Variants in TLK2 observed in about 807,000 individuals in gnomAD.
TLK2 encodes tousled like kinase 2, also known as serine/threonine-protein kinase tousled-like 2.
In TLK2, 6 loss-of-function variants were observed where a neutral mutation model predicts 117.3. The ratio of observed to expected loss-of-function variants is 0.05; its 90% confidence interval spans 0.03 to 0.10. TLK2 has a LOEUF of 0.10. Ranked by LOEUF, TLK2 falls within the 10% of genes least tolerant of loss-of-function variation. The pLI is 1.00. For missense variants in TLK2, 299 were observed against 901.2 expected (o/e 0.33, Z 8.56); for synonymous variants, 257 against 316.7 (o/e 0.81, Z 2.00).
At chr17:62,508,909 A>G (rs891065543) in intron 2 of TLK2, among the ~76,000 whole-genome samples, 3 of 152,138 alleles carry the variant, frequency 2.0e-5, no homozygotes, top group African/African-American at 7.2e-5. Context: ...TGGAGGTTGT[A>G]GTGAGCCGAG....
intron 12 of TLK2, among the ~76,000 whole-genome samples, chr17:62,575,064 A>G (rs2080669544): frequency 6.6e-6 from 1 of 152,198 alleles, no homozygotes; most frequent in Non-Finnish European, 1.5e-5. Flanking sequence ...AAAATTATTT[A>G]ATGCTAATGC....
At chr17:62,562,683 C>T (rs955759121) in intron 10 of TLK2, among the ~76,000 whole-genome samples, 1 of 152,160 alleles carries the variant, frequency 6.6e-6, no homozygotes, top group South Asian at 2.1e-4. Context: ...AGATGAGGGG[C>T]AGCCTGATTT....
rs189504617 is a variant in TLK2, at chr17:62,509,481, A to G, written c.82-11292A>G. Among the ~76,000 whole-genome samples, 924 of 152,386 alleles carry G rather than the reference A, an allele frequency of 6.1e-3. 2 individuals are homozygous for G. The highest frequency in any genetic ancestry group is 9.9e-3 in the Non-Finnish European group (677 of 68,044). On this transcript the variant is annotated intron_variant, in intron 2 of 21. Coordinates refer to ENST00000346027, the MANE Select transcript of TLK2 (RefSeq NM_006852.6). ...AGCAAAATGACAAACATGAAAAAGTAAAAGTGAATGTATAGATGTTTAAAA... is the reference window on the plus strand; with the variant it reads ...AGCAAAATGACAAACATGAAAAAGTGAAAGTGAATGTATAGATGTTTAAAA...
intron 11 of TLK2, among the ~76,000 whole-genome samples, chr17:62,566,216 G>GT (rs1204632009): frequency 1.2e-4 from 18 of 151,816 alleles, no homozygotes; most frequent in Non-Finnish European, 2.4e-4. Context: ...GTCATGATGA[G>GT]TTGGAAGGGT....
intron 17 of TLK2, chr17:62,597,319 T>C (rs1177299015): frequency 1.3e-5 from 2 of 152,284 alleles, no homozygotes; most frequent in East Asian, 3.8e-4. Context: ...ATTTCATCCT[T>C]GTAGCCTGTG....
At chr17:62,532,255 CA>C (rs1465595779) in intron 6 of TLK2, among the ~76,000 whole-genome samples, 1 of 152,048 alleles carries the variant, frequency 6.6e-6, no homozygotes, top group Non-Finnish European at 1.5e-5. Flanking sequence ...GACGTTGGTT[CA>C]AACAGGAAAG....
intron 2 of TLK2, among the ~76,000 whole-genome samples, chr17:62,510,920 T>C (rs2075092783): frequency 6.6e-6 from 1 of 152,154 alleles, no homozygotes; most frequent in Non-Finnish European, 1.5e-5. Flanking sequence ...TTATTATTAC[T>C]TTACAATAAT....
chr17:62,535,600 C>CT (rs1368945272), intron 6 of TLK2, among the ~76,000 whole-genome samples: 1 of 151,856 alleles, frequency 6.6e-6, no homozygotes, highest in Non-Finnish European at 1.5e-5. Context: ...AACCCCGTCT[C>CT]TACTAAAAAT....
chr17:62,518,879 A>G (rs892686783), intron 2 of TLK2, among the ~76,000 whole-genome samples: 2 of 152,090 alleles, frequency 1.3e-5, no homozygotes, highest in Admixed American at 6.6e-5. Flanking sequence ...TATTTTACTC[A>G]TAACTGTTTT....
intron 2 of TLK2, among the ~76,000 whole-genome samples, chr17:62,502,481 A>G (rs1398795750): frequency 6.6e-6 from 1 of 152,218 alleles, no homozygotes; most frequent in East Asian, 1.9e-4. Context: ...AATACTCCAA[A>G]CAAGTCAATG....
chr17:62,516,678 A>T (rs1313243991), intron 2 of TLK2: 2 of 1,609,428 alleles, frequency 1.2e-6, no homozygotes, highest in African/African-American at 2.7e-5. Context: ...CCGGGTGCTT[A>T]GGCATGTGGA....
At chr17:62,609,022 G>T (rs2147299102) in intron 21 of TLK2, among the ~76,000 whole-genome samples, 1 of 152,298 alleles carries the variant, frequency 6.6e-6, no homozygotes, top group East Asian at 1.9e-4. Flanking sequence ...GTGGTAGCCA[G>T]CCCCATTGGG....
chr17:62,511,751 C>G (rs1598304564), intron 2 of TLK2, among the ~76,000 whole-genome samples: 2 of 152,300 alleles, frequency 1.3e-5, no homozygotes, highest in East Asian at 3.9e-4. Flanking sequence ...ATAGGCCATT[C>G]CTTTTTATTG....
At chr17:62,599,569 T>G (rs2082729092) in intron 17 of TLK2, among the ~76,000 whole-genome samples, 1 of 152,106 alleles carries the variant, frequency 6.6e-6, no homozygotes, top group Non-Finnish European at 1.5e-5. Context: ...GCAATTCTAG[T>G]TTCCCCTGAT....
At chr17:62,601,955 G>C in intron 18 of TLK2, 87 bp from the exon 19 acceptor site, 1 of 1,228,182 alleles carries the variant, frequency 8.1e-7, no homozygotes, top group African/African-American at 1.5e-5. Context: ...TTTGAGTTCA[G>C]TTGTCCCCTT....
At chr17:62,569,963 C>A (rs1162902814) in intron 11 of TLK2, among the ~76,000 whole-genome samples, 1 of 152,118 alleles carries the variant, frequency 6.6e-6, no homozygotes, top group Non-Finnish European at 1.5e-5. Context: ...TCTTTCTTTG[C>A]CTCTTCAGCA....
chr17:62,545,812 C>T (rs1436227159), intron 7 of TLK2, among the ~76,000 whole-genome samples: 1 of 152,006 alleles, frequency 6.6e-6, no homozygotes, highest in Non-Finnish European at 1.5e-5. Context: ...AAGCCATCCT[C>T]CCACCTCAGC....
At chr17:62,491,378 G>A (rs2073095966) in intron 2 of TLK2, among the ~76,000 whole-genome samples, 2 of 152,028 alleles carry the variant, frequency 1.3e-5, no homozygotes, top group African/African-American at 4.8e-5. Flanking sequence ...AAACAAATAA[G>A]GTATATTATC....
At chr17:62,540,936 C>T (rs2145931622) in intron 7 of TLK2, among the ~76,000 whole-genome samples, 1 of 152,308 alleles carries the variant, frequency 6.6e-6, no homozygotes, top group East Asian at 1.9e-4. Context: ...TGTTTTACTA[C>T]CATCTACCTT....
Sources: gnomAD v4.1 joint callset for allele counts (sites outside exome capture counted in the v4.1 genomes callset) on GRCh38, gnomAD v4.1.1 for gene constraint, MANE v1.5 for transcripts, NCBI Gene and HGNC (gene_info 2026-07-23, HGNC 2026-07-21) for gene names.